ABCA13: variants seen among roughly 807,000 people sequenced by gnomAD.
ABCA13 encodes the protein ATP binding cassette subfamily A member 13, also known as ATP-binding cassette sub-family A member 13.
In ABCA13, 476 loss-of-function variants were observed where a neutral mutation model predicts 478.7. That is an observed-to-expected ratio of 0.99 (90% confidence interval 0.92 to 1.07). The LOEUF is 1.07. Ranked by LOEUF, ABCA13 falls within the 50% of genes least tolerant of loss-of-function variation. The probability of loss-of-function intolerance (pLI) is 0.00; values close to 1 mark genes in which losing one functional copy is unlikely to be tolerated. For synonymous variants in ABCA13, 2,252 were observed against 2,158.9 expected, an observed-to-expected ratio of 1.04 and a Z score of -1.20; for missense variants, 6,060 against 5,910.6, an observed-to-expected ratio of 1.03 and a Z score of -0.83.
Position 48,403,804 on chromosome 7 carries a change from C to T in ABCA13, c.11995C>T (p.Leu3999=). The T allele has an allele frequency of 6.2e-7, 1 of 1,613,922 alleles. No homozygotes were observed. The highest frequency in any genetic ancestry group is 1.6e-4 in the Middle Eastern group (1 of 6,062). Residue 3999 remains leucine, a synonymous_variant, in exon 39 of 62, where the codon CTG becomes TTG. Coordinates refer to ENST00000435803, the MANE Select transcript of ABCA13 (RefSeq NM_152701.5). ...AFMGMSRTVV[L]DEPTSGVDPC... ...CATGGGCATGTCGAGGACCGTGGTT[C>T]TGGATGAGCCCACCAGTGGGGTGGA...
intron 33 of ABCA13, 85 bp from the exon 34 acceptor site, chr7:48,374,262 C>T (rs1331849562): frequency 1.3e-5 from 16 of 1,247,872 alleles, no homozygotes; most frequent in South Asian, 7.3e-5. Flanking sequence ...GTCATGGCTT[C>T]GCTCCTTGAA....
At chr7:48,184,216 A>G (rs1432595839) in intron 1 of ABCA13, among the ~76,000 whole-genome samples, 1 of 152,162 alleles carries the variant, frequency 6.6e-6, no homozygotes, top group African/African-American at 2.4e-5. Flanking sequence ...GGCATCATAT[A>G]AGGTGTTCAT....
At chr7:48,593,860 GT>G (rs973549286) in intron 57 of ABCA13, among the ~76,000 whole-genome samples, 28 of 150,812 alleles carry the variant, frequency 1.9e-4, no homozygotes, top group African/African-American at 5.4e-4. Context: ...TATTTGGCAG[GT>G]TTTTTTTCTT....
rs142058223 is a variant in ABCA13 at position 48,223,193 on chromosome 7, G to A, written c.468+1884G>A. ...AACAGGTTTTTCTGAGGGGAGAGGAGGAGAGGGTATAAAGGGAAATCAGAA... is the reference window on the plus strand; with the variant it reads ...AACAGGTTTTTCTGAGGGGAGAGGAAGAGAGGGTATAAAGGGAAATCAGAA... On this transcript the variant is annotated intron_variant, in intron 5 of 61. Transcript: ENST00000435803. Among the ~76,000 whole-genome samples, 814 of 152,202 alleles carry A rather than the reference G, an allele frequency of 5.3e-3. 5 individuals carry two copies. Among genetic ancestry groups the A allele is most frequent in the African/African-American group, 0.019 (771 of 41,532 alleles).
At chr7:48,395,155 T>C (rs1816665303) in intron 38 of ABCA13, among the ~76,000 whole-genome samples, 1 of 152,190 alleles carries the variant, frequency 6.6e-6, no homozygotes, top group Non-Finnish European at 1.5e-5. Context: ...CCTTAGGCTG[T>C]CCATGGGCAT....
At chr7:48,633,955 G>GATACATAGATAGATAC (rs1794416388) in intron 59 of ABCA13, among the ~76,000 whole-genome samples, 5 of 151,876 alleles carry the variant, frequency 3.3e-5, no homozygotes, top group African/African-American at 9.7e-5. Flanking sequence ...TAGATAGATA[G>GATACATAGATAGATAC]ATAGATAGAT....
intron 34 of ABCA13, 42 bp downstream of exon 34, chr7:48,374,458 C>T (rs760100348): frequency 3.7e-5 from 57 of 1,546,020 alleles, no homozygotes; most frequent in Admixed American, 3.6e-4. Context: ...CAGTGAATCA[C>T]GTTTTTGGAA....
At chr7:48,535,003 T>C (rs1373098953) in intron 55 of ABCA13, among the ~76,000 whole-genome samples, 8 of 152,240 alleles carry the variant, frequency 5.3e-5, no homozygotes, top group Admixed American at 1.3e-4. Context: ...AAATTATTTT[T>C]CTGACAATTC....
intron 3 of ABCA13, among the ~76,000 whole-genome samples, chr7:48,206,759 A>G (rs1477019294): frequency 6.6e-6 from 1 of 151,488 alleles, no homozygotes; most frequent in African/African-American, 2.4e-5. Flanking sequence ...CAGGATATCC[A>G]TCATCTAAAG....
In ABCA13 at chr7:48,623,807, C is replaced by T. The variant is rs372177978; in HGVS notation, c.14837+8430C>T. On this transcript the variant is annotated intron_variant, in intron 59 of 61. Transcript: ENST00000435803. The stretch of plus-strand genomic sequence containing the variant: ...GAAGTCTAAGAAATGTAGACTCTAG[C>T]TGGGCACTTTGCTACTTAAATAAGG... Among the ~76,000 whole-genome samples the T allele has an allele frequency of 1.2e-4, 19 of 152,272 alleles. No individual in the cohort carries two copies. The East Asian group carries it at 2.3e-3, about 19-fold the overall frequency.
intron 35 of ABCA13, among the ~76,000 whole-genome samples, chr7:48,380,325 T>C (rs565608537): frequency 6.6e-6 from 1 of 152,342 alleles, no homozygotes; most frequent in East Asian, 1.9e-4. Context: ...CATGTGTTTG[T>C]ATATAATGGG....
intron 43 of ABCA13, among the ~76,000 whole-genome samples, chr7:48,458,536 T>G (rs1825913027): frequency 6.6e-6 from 1 of 152,210 alleles, no homozygotes. Flanking sequence ...CATATAAATC[T>G]TATCTTATTA....
At chr7:48,623,351 C>T (rs149725652) in intron 59 of ABCA13, among the ~76,000 whole-genome samples, 2 of 152,210 alleles carry the variant, frequency 1.3e-5, no homozygotes, top group African/African-American at 4.8e-5. Flanking sequence ...GTATCTATGT[C>T]TGAGAAAGAA....
At chr7:48,494,129 A>G (rs1019749900) in intron 48 of ABCA13, among the ~76,000 whole-genome samples, 2 of 152,198 alleles carry the variant, frequency 1.3e-5, no homozygotes. Context: ...GCCACAACTC[A>G]TTAGTATGCT....
intron 47 of ABCA13, among the ~76,000 whole-genome samples, chr7:48,487,341 A>G (rs1585552029): frequency 1.3e-5 from 2 of 151,492 alleles, no homozygotes; most frequent in Non-Finnish European, 2.9e-5. Context: ...AAACAAAAAA[A>G]ACAAACAAAC....
At chr7:48,259,444 A>G (rs1793858340) in intron 15 of ABCA13, among the ~76,000 whole-genome samples, 2 of 151,770 alleles carry the variant, frequency 1.3e-5, no homozygotes, top group African/African-American at 2.4e-5. Flanking sequence ...TCTGCTTTCC[A>G]TTTGCTTGGT....
At chr7:48,460,290 AT>A (rs1291926015) in intron 43 of ABCA13, among the ~76,000 whole-genome samples, 3 of 152,134 alleles carry the variant, frequency 2.0e-5, no homozygotes, top group African/African-American at 4.8e-5. Flanking sequence ...ACAGAAATGT[AT>A]TTTCTCACTG....
At chr7:48,302,735 C>T (rs1254206559) in intron 23 of ABCA13, among the ~76,000 whole-genome samples, 1 of 152,104 alleles carries the variant, frequency 6.6e-6, no homozygotes, top group African/African-American at 2.4e-5. Flanking sequence ...TTTCTTTGTC[C>T]AGTTTGCCCT....
At position 48,272,864 on chromosome 7, in the gene ABCA13, A is replaced by G. The variant is rs1795803469; in HGVS notation, c.3198A>G (p.Lys1066=). The change falls in exon 17 of 62, where the codon AAA becomes AAG. Residue 1066 remains lysine (K), a synonymous_variant. Transcript: ENST00000435803. The part of the protein sequence containing the change: ...EVIHTTLTGL[K]QLLIIDEDFR... ...TCCACACTACTTTGACAGGCCTCAA[A>G]CAGCTGCTCATAATTGATGAAGATT... The G allele has an allele frequency of 6.2e-7, 1 of 1,607,616 alleles. No homozygotes were observed.
Sources: gnomAD v4.1 joint callset for allele counts (sites outside exome capture counted in the v4.1 genomes callset) on GRCh38, gnomAD v4.1.1 for gene constraint, MANE v1.5 for transcripts, NCBI Gene and HGNC (gene_info 2026-07-23, HGNC 2026-07-21) for gene names.